Variants in OR51B5 observed in about 807,000 individuals in gnomAD.
OR51B5 encodes the protein olfactory receptor 51B5.
For missense variants in OR51B5, 456 were observed against 374.6 expected, an observed-to-expected ratio of 1.22 and a Z score of -1.79; for synonymous variants, 186 against 144.8, an observed-to-expected ratio of 1.28 and a Z score of -2.04.
At chr11:5,456,054 T>C (rs1850954148) in intron 1 of OR51B5, 1 of 152,226 alleles carries the variant, frequency 6.6e-6, no homozygotes, top group Admixed American at 6.5e-5. Flanking sequence ...AATGCTTTGA[T>C]ATTTTAGTTT....
chr11:5,383,271 AT>A (rs1849638807), intron 1 of OR51B5, among the ~76,000 whole-genome samples: 1 of 152,176 alleles, frequency 6.6e-6, no homozygotes, highest in African/African-American at 2.4e-5. Flanking sequence ...AGGATTGAAT[AT>A]GCAAGATTGA....
chr11:5,449,892 A>G (rs1330085030), intron 1 of OR51B5, among the ~76,000 whole-genome samples: 2 of 152,178 alleles, frequency 1.3e-5, no homozygotes, highest in African/African-American at 4.8e-5. Context: ...ATAGCTGATA[A>G]TTTTCATTCT....
chr11:5,493,899 C>T (rs1851612584), intron 1 of OR51B5, among the ~76,000 whole-genome samples: 1 of 152,132 alleles, frequency 6.6e-6, no homozygotes, highest in African/African-American at 2.4e-5. Flanking sequence ...CTGCAATTAC[C>T]TTGTTTATCA....
intron 1 of OR51B5, among the ~76,000 whole-genome samples, chr11:5,465,454 C>G (rs910266735): frequency 5.3e-5 from 8 of 151,990 alleles, no homozygotes; most frequent in Admixed American, 1.3e-4. Flanking sequence ...TTGGAAAAAA[C>G]TACTTTAAAG....
chr11:5,366,886 A>G (rs1003978520), intron 1 of OR51B5, among the ~76,000 whole-genome samples: 1 of 152,168 alleles, frequency 6.6e-6, no homozygotes, highest in Non-Finnish European at 1.5e-5. Flanking sequence ...CAGGGGTGCT[A>G]TCTGATTCAT....
At chr11:5,343,556 T>G, upstream of OR51B5, 1 of 695,916 alleles carries the variant, frequency 1.4e-6, no homozygotes, top group African/African-American at 1.8e-5. Flanking sequence ...TGTCTTTCTG[T>G]TTCTGTTATT....
intron 1 of OR51B5, among the ~76,000 whole-genome samples, chr11:5,413,203 C>G (rs543201024): frequency 6.6e-6 from 1 of 152,312 alleles, no homozygotes; most frequent in Non-Finnish European, 1.5e-5. Flanking sequence ...AAGCAAACTC[C>G]AACAGACCTG....
At chr11:5,342,932 G>A (rs1209273789) in exon 1 of OR51B5, 1 of 1,613,800 alleles carries the variant, frequency 6.2e-7, no homozygotes, top group Non-Finnish European at 8.5e-7. Context: ...TACAAGCACA[G>A]CTGGGTACAG....
At chr11:5,360,276 A>T (rs1849261064) in intron 1 of OR51B5, among the ~76,000 whole-genome samples, 1 of 152,062 alleles carries the variant, frequency 6.6e-6, no homozygotes, top group Non-Finnish European at 1.5e-5. Flanking sequence ...AGAATCTATG[A>T]TGAACTCAAA....
chr11:5,405,643 C>T (rs975491041), intron 1 of OR51B5, among the ~76,000 whole-genome samples: 17 of 152,198 alleles, frequency 1.1e-4, no homozygotes, highest in Admixed American at 9.2e-4. Flanking sequence ...TAACGACACA[C>T]CTATAAAGCT....
chr11:5,404,456 C>A (rs2369124), intron 1 of OR51B5, among the ~76,000 whole-genome samples: 1 of 152,154 alleles, frequency 6.6e-6, no homozygotes, highest in African/African-American at 2.4e-5. Context: ...TGTAAACACA[C>A]CATTCAGCAC....
At chr11:5,390,611 T>C (rs1849781393) in intron 1 of OR51B5, 1 of 466,602 alleles carries the variant, frequency 2.1e-6, no homozygotes, top group Non-Finnish European at 3.8e-6. Flanking sequence ...GCATCAAAGC[T>C]ATCCAGAAGG....
At chr11:5,479,717 C>T (rs1851384390) in intron 1 of OR51B5, among the ~76,000 whole-genome samples, 1 of 148,474 alleles carries the variant, frequency 6.7e-6, no homozygotes. Context: ...CAATCCTAGT[C>T]TCTGATAAAA....
chr11:5,412,680 C>T (rs1304096282), intron 1 of OR51B5, among the ~76,000 whole-genome samples: 1 of 152,156 alleles, frequency 6.6e-6, no homozygotes, highest in East Asian at 1.9e-4. Flanking sequence ...GACGGAGTCT[C>T]GCTGATTCCT....
At chr11:5,430,077 TTTA>T (rs1317445256) in intron 1 of OR51B5, among the ~76,000 whole-genome samples, 1 of 152,090 alleles carries the variant, frequency 6.6e-6, no homozygotes, top group Non-Finnish European at 1.5e-5. Context: ...AAATAAACAA[TTTA>T]TTGTTTGATC....
chr11:5,369,870 A>C (rs1849423734), intron 1 of OR51B5, among the ~76,000 whole-genome samples: 1 of 152,222 alleles, frequency 6.6e-6, no homozygotes, highest in South Asian at 2.1e-4. Context: ...ATAAGTCAAC[A>C]GTTGTTAAAA....
At chr11:5,437,346 G>A (rs1449362342) in intron 1 of OR51B5, among the ~76,000 whole-genome samples, 2 of 152,144 alleles carry the variant, frequency 1.3e-5, no homozygotes, top group African/African-American at 2.4e-5. Context: ...AAATTCCAGA[G>A]CTCACATCTC....
intron 1 of OR51B5, chr11:5,489,217 T>A: frequency 6.2e-7 from 1 of 1,613,946 alleles, no homozygotes; most frequent in Non-Finnish European, 8.5e-7. Context: ...GCGACTCCCC[T>A]ACTGTGGTCA....
chr11:5,402,083 C>T (rs1589976305), intron 1 of OR51B5, among the ~76,000 whole-genome samples: 1 of 152,058 alleles, frequency 6.6e-6, no homozygotes, highest in East Asian at 1.9e-4. Context: ...GCAATCCTGG[C>T]TCACTGCAAC....
Sources: allele counts gnomAD v4.1 joint callset (sites outside exome capture counted in the v4.1 genomes callset), GRCh38; gene constraint gnomAD v4.1.1; transcripts MANE v1.5; gene names NCBI Gene and HGNC (gene_info 2026-07-23, HGNC 2026-07-21).